NETO1: variants seen among roughly 807,000 people sequenced by gnomAD.
NETO1 encodes the protein neuropilin and tolloid-like protein 1.
Under a neutral mutation model 61.3 loss-of-function variants are expected in NETO1, and 26 were observed. The observed-to-expected ratio is 0.42, with a 90% confidence interval of 0.31 to 0.59. The LOEUF (loss-of-function observed/expected upper bound fraction) is 0.59, where lower values mean the gene tolerates loss of function less well. Among genes scored for constraint, NETO1 ranks in the 20% least tolerant of loss-of-function variants. The pLI, the probability that NETO1 is intolerant of heterozygous loss-of-function variation, is 0.12. For synonymous variants in NETO1, 225 were observed against 225.8 expected (o/e 1.00, Z 0.03); for missense variants, 531 against 662.8 (o/e 0.80, Z 2.18).
rs138735492 is a variant in NETO1, at chr18:72,830,398, C to T, written c.469+28428G>A. ...AACTTCAGAGACATCAGTAGCGCCACATGTGTTTTCAGAAAAATTTTGTGA... is the reference window on the plus strand; with the variant it reads ...AACTTCAGAGACATCAGTAGCGCCATATGTGTTTTCAGAAAAATTTTGTGA... On this transcript the variant is annotated intron_variant, in intron 4 of 10. Transcript: ENST00000327305. This position sits in a 1 kb window ranked among gnomAD's most constrained non-coding sequence, Gnocchi z 4.9. Among the ~76,000 whole-genome samples, 159 of 152,262 alleles carry T rather than the reference C, an allele frequency of 1.0e-3. No individual in the cohort carries two copies. The highest frequency in any genetic ancestry group is 3.5e-3 in the African/African-American group (146 of 41,564).
intron 4 of NETO1, among the ~76,000 whole-genome samples, chr18:72,803,551 G>A (rs980094994): frequency 6.6e-6 from 1 of 152,160 alleles, no homozygotes; most frequent in African/African-American, 2.4e-5. Flanking sequence ...GGCCAGGAGC[G>A]GTGGCTCATG....
chr18:72,866,854 G>T, intron 1 of NETO1: 1 of 966,828 alleles, frequency 1.0e-6, no homozygotes, highest in Non-Finnish European at 1.2e-6. Flanking sequence ...CCTGTACTGC[G>T]AACAGGGGCC....
At chr18:72,795,032 A>G (rs2072262902) in intron 4 of NETO1, among the ~76,000 whole-genome samples, 1 of 152,100 alleles carries the variant, frequency 6.6e-6, no homozygotes, top group South Asian at 2.1e-4. Flanking sequence ...TAGTTTGTCA[A>G]CTCAACACCC....
At chr18:72,804,890 C>A (rs2072624739) in intron 4 of NETO1, among the ~76,000 whole-genome samples, 1 of 152,188 alleles carries the variant, frequency 6.6e-6, no homozygotes, top group Non-Finnish European at 1.5e-5. Context: ...CCTTAATATT[C>A]TCCTTTTTAC....
At chr18:72,765,481 T>C (rs911451756) in intron 7 of NETO1, among the ~76,000 whole-genome samples, 1 of 152,144 alleles carries the variant, frequency 6.6e-6, no homozygotes, top group Non-Finnish European at 1.5e-5. Flanking sequence ...TGAAGTGGCA[T>C]GATCTCAGCT....
chr18:72,860,222 G>A (rs2074528697), intron 3 of NETO1, among the ~76,000 whole-genome samples: 1 of 152,184 alleles, frequency 6.6e-6, no homozygotes, highest in South Asian at 2.1e-4. Flanking sequence ...AGCCCTCTGA[G>A]TGCTTCCCTG....
rs2070395120 is a variant in NETO1, at chr18:72,744,699, G to C, written c.*3480C>G. The C allele has an allele frequency of 6.6e-6, 1 of 152,010 alleles. No individual in the cohort carries two copies. The highest frequency in any genetic ancestry group is 2.1e-4 in the South Asian group (1 of 4,824). The allele number at this position is 152,010 out of a possible 1,614,324, so 9.4% of individuals were successfully genotyped here. Reference sequence around the variant, plus strand: ...GTTTATTTAACTTCCCTTCAGAGAGGGAATCTGACATGACTCATTTTCATC... The same window carrying C: ...GTTTATTTAACTTCCCTTCAGAGAGCGAATCTGACATGACTCATTTTCATC... On this transcript the variant is annotated 3_prime_UTR_variant, in exon 11 of 11. Transcript: ENST00000327305.
chr18:72,800,793 C>T (rs1283385667), intron 4 of NETO1, among the ~76,000 whole-genome samples: 7 of 152,130 alleles, frequency 4.6e-5, no homozygotes, highest in Admixed American at 2.6e-4. Context: ...ATACTCAGTA[C>T]TGAATTTAAC....
chr18:72,831,002 A>G (rs1454430200), intron 4 of NETO1, among the ~76,000 whole-genome samples: 2 of 152,066 alleles, frequency 1.3e-5, no homozygotes, highest in Admixed American at 1.3e-4. Flanking sequence ...AGGTAACAGA[A>G]TATGTCTCTT....
chr18:72,864,262 T>C (rs2074667831), intron 3 of NETO1, among the ~76,000 whole-genome samples: 1 of 152,148 alleles, frequency 6.6e-6, no homozygotes, highest in African/African-American at 2.4e-5. Context: ...AAAAAAGTCA[T>C]GAAATAAAGG....
rs1255597274 is a variant in NETO1, at chr18:72,744,106, A to C, written c.*4073T>G. ...ACCTCTGAGGAACTAGAGGCATTTT[A>C]AGAGAGCATTTACCTCTTTAATAAT... On this transcript the variant is annotated 3_prime_UTR_variant, in exon 11 of 11. Transcript: ENST00000327305. The C allele has an allele frequency of 6.6e-6, 1 of 152,222 alleles. No homozygotes were observed. The highest frequency in any genetic ancestry group is 1.9e-4 in the East Asian group (1 of 5,198). The allele number at this position is 152,222 out of a possible 1,614,324, so 9.4% of individuals were successfully genotyped here.
At chr18:72,816,520 G>T (rs1172562307) in intron 4 of NETO1, among the ~76,000 whole-genome samples, 1 of 152,194 alleles carries the variant, frequency 6.6e-6, no homozygotes, top group African/African-American at 2.4e-5. Context: ...CCATTTGGGA[G>T]CGGGGGAAAG....
intron 7 of NETO1, among the ~76,000 whole-genome samples, chr18:72,771,355 G>A (rs970534867): frequency 6.6e-6 from 1 of 152,062 alleles, no homozygotes; most frequent in East Asian, 1.9e-4. Context: ...AACCTTCCGT[G>A]GGTAATTTAC....
chr18:72,814,911 T>C (rs569299322), intron 4 of NETO1, among the ~76,000 whole-genome samples: 14 of 151,580 alleles, frequency 9.2e-5, no homozygotes, highest in Middle Eastern at 3.4e-3. Context: ...TCTACCACCA[T>C]AGGGACAGAG....
At chr18:72,834,011 C>CA in intron 4 of NETO1, 7 of 618,212 alleles carry the variant, frequency 1.1e-5, no homozygotes, top group Non-Finnish European at 1.4e-5. Flanking sequence ...TTTTAACACC[C>CA]AACCTACAAG....
At chr18:72,853,226 G>C (rs1403438249) in intron 4 of NETO1, 1 of 152,130 alleles carries the variant, frequency 6.6e-6, no homozygotes, top group Non-Finnish European at 1.5e-5. Context: ...GAATAAATGT[G>C]ATTATGCTCC....
chr18:72,780,553 C>A (rs1028013394), intron 7 of NETO1, among the ~76,000 whole-genome samples: 1 of 152,192 alleles, frequency 6.6e-6, no homozygotes, highest in Non-Finnish European at 1.5e-5. Context: ...CTAACCTACA[C>A]AGATGATTCC....
chr18:72,766,353 C>T (rs547840089), intron 7 of NETO1, among the ~76,000 whole-genome samples: 15 of 151,420 alleles, frequency 9.9e-5, no homozygotes, highest in Non-Finnish European at 7.4e-5. Context: ...TCCCACAAAA[C>T]AATTTTTTTC....
intron 8 of NETO1, among the ~76,000 whole-genome samples, chr18:72,755,767 C>T (rs1880534885): frequency 6.6e-6 from 1 of 152,056 alleles, no homozygotes; most frequent in African/African-American, 2.4e-5. Context: ...CTCCCGTTTT[C>T]ATAGCTCTGC....
Sources: allele counts gnomAD v4.1 joint callset (sites outside exome capture counted in the v4.1 genomes callset), GRCh38; gene constraint gnomAD v4.1.1; non-coding constraint Gnocchi (gnomAD v3.1); transcripts MANE v1.5; gene names NCBI Gene and HGNC (gene_info 2026-07-23, HGNC 2026-07-21).